Variants in PALM2AKAP2 observed in about 807,000 individuals in gnomAD.
The protein encoded by PALM2AKAP2 is PALM2-AKAP2 fusion protein.
In PALM2AKAP2, 37 loss-of-function variants were observed where a neutral mutation model predicts 71.5. The observed-to-expected ratio is 0.52, with a 90% CI of 0.40 to 0.68. The LOEUF (loss-of-function observed/expected upper bound fraction) is 0.68. Among genes scored for constraint, PALM2AKAP2 ranks in the 30% least tolerant of loss-of-function variants. The pLI is 0.00. For synonymous variants in PALM2AKAP2, 468 were observed against 478.8 expected (o/e 0.98, Z 0.29); for missense variants, 1,224 against 1,191.8 (o/e 1.03, Z -0.40).
At chr9:110,025,451 C>T in intron 7 of PALM2AKAP2, 1 of 658,294 alleles carries the variant, frequency 1.5e-6, no homozygotes, top group Non-Finnish European at 2.7e-6. Flanking sequence ...GTTGTTTCTA[C>T]CTTCTGGCAG....
chr9:110,021,100 T>C (rs1335965209), intron 7 of PALM2AKAP2, among the ~76,000 whole-genome samples: 5 of 152,220 alleles, frequency 3.3e-5, no homozygotes, highest in Non-Finnish European at 5.9e-5. Flanking sequence ...AGTGAGACTC[T>C]GTCTCAGAAA....
intron 1 of PALM2AKAP2, among the ~76,000 whole-genome samples, chr9:109,816,093 A>T (rs541667131): frequency 1.3e-5 from 2 of 152,328 alleles, no homozygotes; most frequent in Admixed American, 6.5e-5. Flanking sequence ...TTGACAAGGA[A>T]CATGTACAAA....
chr9:109,739,594 C>A (rs557809438), intron 1 of PALM2AKAP2, among the ~76,000 whole-genome samples: 2 of 152,304 alleles, frequency 1.3e-5, no homozygotes, highest in African/African-American at 4.8e-5. Flanking sequence ...TCTGGTCACA[C>A]CACTAATTAG....
At chr9:110,005,353 C>T (rs1466740807) in intron 6 of PALM2AKAP2, among the ~76,000 whole-genome samples, 3 of 152,224 alleles carry the variant, frequency 2.0e-5, no homozygotes, top group African/African-American at 7.2e-5. Context: ...TATTGGTGAA[C>T]AGCAAATATT....
chr9:109,653,875 A>G (rs924227563), intron 1 of PALM2AKAP2, among the ~76,000 whole-genome samples: 1 of 152,218 alleles, frequency 6.6e-6, no homozygotes, highest in Non-Finnish European at 1.5e-5. Flanking sequence ...TTGGAGTTCA[A>G]CAATCTGTGT....
At chr9:110,057,618 T>A (rs972607938) in intron 1 of PALM2AKAP2, among the ~76,000 whole-genome samples, 1 of 152,046 alleles carries the variant, frequency 6.6e-6, no homozygotes, top group Admixed American at 6.6e-5. Context: ...GACCTCATGA[T>A]CCGCCTGCCT....
chr9:110,002,568 C>CT (rs1175727172), intron 6 of PALM2AKAP2, among the ~76,000 whole-genome samples: 3 of 152,086 alleles, frequency 2.0e-5, no homozygotes, highest in African/African-American at 7.3e-5. Flanking sequence ...GGATGATTCC[C>CT]TTTTTTTCTA....
intron 1 of PALM2AKAP2, among the ~76,000 whole-genome samples, chr9:109,849,865 T>C (rs144678756): frequency 1.6e-3 from 250 of 152,354 alleles, no homozygotes; most frequent in African/African-American, 5.7e-3. Context: ...ATTCTTGCGC[T>C]ATTTTTTTAA....
chr9:109,803,709 A>G (rs1191992743), intron 1 of PALM2AKAP2, among the ~76,000 whole-genome samples: 1 of 152,214 alleles, frequency 6.6e-6, no homozygotes, highest in Non-Finnish European at 1.5e-5. Flanking sequence ...CAAGTGGGCC[A>G]GCACCATAGT....
At chr9:109,819,074 G>A (rs1017796930) in intron 1 of PALM2AKAP2, among the ~76,000 whole-genome samples, 16 of 152,274 alleles carry the variant, frequency 1.1e-4, no homozygotes, top group Admixed American at 3.9e-4. Context: ...AGTGAGAGGC[G>A]AACAGATGAA....
At chr9:109,896,104 G>C (rs1332988508) in intron 3 of PALM2AKAP2, among the ~76,000 whole-genome samples, 2 of 152,110 alleles carry the variant, frequency 1.3e-5, no homozygotes, top group East Asian at 3.9e-4. Context: ...AGAACTGCTC[G>C]AACCTGGGAG....
At chr9:109,671,402 C>T (rs181495975) in intron 1 of PALM2AKAP2, among the ~76,000 whole-genome samples, 342 of 152,172 alleles carry the variant, frequency 2.2e-3, no homozygotes, top group Non-Finnish European at 3.8e-3. Flanking sequence ...TGTTGAAGAA[C>T]GGATAGTTGT....
intron 6 of PALM2AKAP2, among the ~76,000 whole-genome samples, chr9:110,000,402 C>T (rs1360765729): frequency 2.0e-5 from 3 of 152,174 alleles, no homozygotes; most frequent in Admixed American, 6.5e-5. Context: ...TTTCTTAATC[C>T]AGTCTATCAT....
chr9:110,012,108 C>T (rs138347005), intron 6 of PALM2AKAP2, among the ~76,000 whole-genome samples: 1,555 of 152,192 alleles, frequency 0.01, 21 homozygotes, highest in African/African-American at 0.033. Flanking sequence ...GTCTGACCAA[C>T]GTGGCAAAAC....
chr9:109,869,429 C>A lies in PALM2AKAP2; in HGVS notation c.126+1858C>A, dbSNP rs1390240026. ...CTGCAAGCTCCGCCTCCCAGGTTCA[C>A]GCCATTCTCCTGCCTCAGCCTCCTG... is the stretch of plus-strand genomic sequence containing the variant. On this transcript the variant is annotated intron_variant, in intron 2 of 9. Coordinates refer to the PALM2AKAP2 transcript ENST00000302798. 2.0e-5 allele frequency among the ~76,000 whole-genome samples: 3 copies of A among 151,966 alleles called. No homozygotes were observed. In the East Asian group the frequency reaches 5.8e-4, roughly 29 times the overall value.
chr9:109,763,250 T>A (rs1393819134), intron 1 of PALM2AKAP2, among the ~76,000 whole-genome samples: 5 of 152,110 alleles, frequency 3.3e-5, no homozygotes, highest in African/African-American at 1.2e-4. Flanking sequence ...GCTGGCCTCC[T>A]CCTGCCCACC....
chr9:109,765,600 G>A (rs1829139359), intron 1 of PALM2AKAP2: 1 of 152,582 alleles, frequency 6.6e-6, no homozygotes, highest in Non-Finnish European at 1.5e-5. Flanking sequence ...AGTTAGTCTG[G>A]AGTGGGCATT....
chr9:109,675,972 A>G (rs1827642639), intron 1 of PALM2AKAP2, among the ~76,000 whole-genome samples: 1 of 152,240 alleles, frequency 6.6e-6, no homozygotes, highest in Non-Finnish European at 1.5e-5. Flanking sequence ...TAAATTTCTT[A>G]ATAAAATATC....
chr9:109,661,102 A>T (rs1202671331), intron 1 of PALM2AKAP2, among the ~76,000 whole-genome samples: 1 of 152,138 alleles, frequency 6.6e-6, no homozygotes, highest in Non-Finnish European at 1.5e-5. Context: ...ATTTTCTCCC[A>T]TTCTGTAGGT....
Sources: allele counts gnomAD v4.1 joint callset (sites outside exome capture counted in the v4.1 genomes callset), GRCh38; gene constraint gnomAD v4.1.1; transcripts MANE v1.5; gene names NCBI Gene and HGNC (gene_info 2026-07-23, HGNC 2026-07-21).